LUZP2: variants seen among roughly 807,000 people sequenced by gnomAD.
LUZP2 encodes the protein leucine zipper protein 2.
In LUZP2, 52 loss-of-function variants were observed where a neutral mutation model predicts 51.6. The observed-to-expected ratio is 1.01, with a 90% confidence interval of 0.81 to 1.27. The LOEUF (loss-of-function observed/expected upper bound fraction) is 1.27, where lower values mean the gene tolerates loss of function less well. LUZP2 is among the 50% of genes most tolerant of loss of function. The pLI, the probability that LUZP2 is intolerant of heterozygous loss-of-function variation, is 0.00. For synonymous variants in LUZP2, 154 were observed against 137.3 expected (o/e 1.12, Z -0.85); for missense variants, 436 against 395.4 (o/e 1.10, Z -0.87).
At chr11:24,994,141 G>C (rs1590812648) in intron 9 of LUZP2, among the ~76,000 whole-genome samples, 1 of 146,214 alleles carries the variant, frequency 6.8e-6, no homozygotes, top group Admixed American at 6.9e-5. Flanking sequence ...TTACAGGCTT[G>C]AGCCACTGCA....
At chr11:24,984,915 C>T (rs1856149092) in intron 9 of LUZP2, among the ~76,000 whole-genome samples, 1 of 151,476 alleles carries the variant, frequency 6.6e-6, no homozygotes, top group Non-Finnish European at 1.5e-5. Context: ...TGAATGTTAC[C>T]TCTGCCTATG....
intron 1 of LUZP2, among the ~76,000 whole-genome samples, chr11:24,538,650 A>ATG (rs1224929907): frequency 3.3e-5 from 2 of 60,470 alleles, no homozygotes; most frequent in East Asian, 1.1e-3. Context: ...TGTGTTTTTT[A>ATG]TATGTGTGTG....
intron 5 of LUZP2, among the ~76,000 whole-genome samples, chr11:24,842,110 T>G (rs1851051669): frequency 6.6e-6 from 1 of 151,156 alleles, no homozygotes; most frequent in Non-Finnish European, 1.5e-5. Context: ...GACACTTATT[T>G]TTAAAAGTTG....
chr11:24,574,273 T>C (rs1311793405), intron 1 of LUZP2, among the ~76,000 whole-genome samples: 6 of 43,264 alleles, frequency 1.4e-4, no homozygotes, highest in Admixed American at 3.4e-4. Context: ...GCTTTCTTTC[T>C]TTCTTTCTTT....
intron 3 of LUZP2, among the ~76,000 whole-genome samples, chr11:24,734,791 T>A (rs1253382956): frequency 6.6e-6 from 1 of 151,958 alleles, no homozygotes; most frequent in Non-Finnish European, 1.5e-5. Flanking sequence ...TACTGATTTA[T>A]TGCAAATTTA....
chr11:24,732,259 T>G (rs116756828), intron 3 of LUZP2, 71 bp downstream of exon 3: 14 of 1,105,942 alleles, frequency 1.3e-5, no homozygotes, highest in Non-Finnish European at 1.8e-5. Flanking sequence ...TTCACAAAAT[T>G]TATTGATTCT....
chr11:24,924,378 C>T (rs948159055), intron 7 of LUZP2, among the ~76,000 whole-genome samples: 8 of 151,856 alleles, frequency 5.3e-5, no homozygotes, highest in African/African-American at 1.4e-4. Flanking sequence ...GCACCCAGCC[C>T]GCTTGCCCCT....
At chr11:24,744,477 GTT>G (rs1328453011) in intron 4 of LUZP2, among the ~76,000 whole-genome samples, 1 of 152,000 alleles carries the variant, frequency 6.6e-6, no homozygotes, top group Non-Finnish European at 1.5e-5. Context: ...TCTCTTCTAG[GTT>G]TCCTAGTTTA....
chr11:24,940,996 A>T (rs1407596311), intron 7 of LUZP2, among the ~76,000 whole-genome samples: 1 of 152,192 alleles, frequency 6.6e-6, no homozygotes, highest in Non-Finnish European at 1.5e-5. Context: ...AGAAAAATAA[A>T]GTATTTTTCC....
At chr11:24,909,900 A>G (rs916149810) in intron 6 of LUZP2, among the ~76,000 whole-genome samples, 3 of 152,130 alleles carry the variant, frequency 2.0e-5, no homozygotes, top group African/African-American at 4.8e-5. Flanking sequence ...AGGTTGGAAC[A>G]CTTTGGAGAG....
intron 7 of LUZP2, among the ~76,000 whole-genome samples, chr11:24,916,851 G>C: frequency 6.6e-6 from 1 of 152,164 alleles, no homozygotes; most frequent in East Asian, 1.9e-4. Context: ...TATATACCCA[G>C]TAATGGGATG....
At chr11:24,736,116 T>C (rs915429025) in intron 3 of LUZP2, among the ~76,000 whole-genome samples, 9 of 151,944 alleles carry the variant, frequency 5.9e-5, no homozygotes, top group African/African-American at 2.2e-4. Context: ...CAATTTGTTT[T>C]TTGTCCTGTT....
intron 7 of LUZP2, among the ~76,000 whole-genome samples, chr11:24,918,424 G>A (rs138463014): frequency 1.8e-3 from 275 of 152,058 alleles, no homozygotes; most frequent in Non-Finnish European, 2.9e-3. Context: ...GGTTTTCAAA[G>A]GGAATGCTTC....
chr11:25,061,513 A>G (rs755419050), intron 10 of LUZP2, among the ~76,000 whole-genome samples: 3 of 152,158 alleles, frequency 2.0e-5, no homozygotes, highest in Non-Finnish European at 4.4e-5. Context: ...GTATAATTGA[A>G]TGGGTGAACC....
At chr11:24,631,446 C>T (rs902289631) in intron 1 of LUZP2, among the ~76,000 whole-genome samples, 5 of 148,924 alleles carry the variant, frequency 3.4e-5, no homozygotes, top group African/African-American at 1.2e-4. Context: ...TGAATTTTAT[C>T]AAATGCTTTT....
chr11:24,623,096 G>GAC lies in LUZP2; in HGVS notation c.63-106061_63-106060dup, dbSNP rs141262098. Among the ~76,000 whole-genome samples the GAC allele has an allele frequency of 3.7e-3, 566 of 151,646 alleles. 3 individuals are homozygous for GAC. The highest frequency in any genetic ancestry group is 0.013 in the African/African-American group (546 of 41,340). ...CTTTAAAGAGAGAGAGAGAGAAAAG[G>GAC]ACACACACACACATACACACAGAGA... On this transcript the variant is annotated intron_variant, in intron 1 of 11. Coordinates refer to ENST00000336930, the MANE Select transcript of LUZP2 (RefSeq NM_001009909.4).
chr11:24,831,339 C>A (rs1850700427), intron 5 of LUZP2, among the ~76,000 whole-genome samples: 1 of 152,252 alleles, frequency 6.6e-6, no homozygotes, highest in East Asian at 1.9e-4. Context: ...GAGATACAGG[C>A]AATTCATGTA....
intron 1 of LUZP2, among the ~76,000 whole-genome samples, chr11:24,664,105 G>C (rs1856126744): frequency 6.6e-6 from 1 of 152,174 alleles, no homozygotes; most frequent in Admixed American, 6.5e-5. Context: ...AACAGACAGA[G>C]ATTGGAAGAG....
chr11:25,063,903 A>G (rs986083647), intron 10 of LUZP2, among the ~76,000 whole-genome samples: 2 of 151,842 alleles, frequency 1.3e-5, no homozygotes, highest in Non-Finnish European at 3.0e-5. Flanking sequence ...GAAGAATAGG[A>G]CAGTCAGACA....
Sources: gnomAD v4.1 joint callset for allele counts (sites outside exome capture counted in the v4.1 genomes callset) on GRCh38, gnomAD v4.1.1 for gene constraint, MANE v1.5 for transcripts, NCBI Gene and HGNC (gene_info 2026-07-23, HGNC 2026-07-21) for gene names.